ACCSL: variants seen among roughly 807,000 people sequenced by gnomAD.
ACCSL encodes the protein 1-aminocyclopropane-1-carboxylate synthase homolog (inactive) like.
In ACCSL, 55 loss-of-function variants were observed where a neutral mutation model predicts 61.7. That is an observed-to-expected ratio of 0.89 (90% CI 0.72 to 1.12). The LOEUF is 1.12. Ranked by LOEUF, ACCSL falls within the 50% of genes most tolerant of loss-of-function variation. The pLI, the probability that ACCSL is intolerant of heterozygous loss-of-function variation, is 0.00. For missense variants in ACCSL, 632 were observed against 698.0 expected, an observed-to-expected ratio of 0.91 and a Z score of 1.07; for synonymous variants, 258 against 264.3, an observed-to-expected ratio of 0.98 and a Z score of 0.23.
chr11:43,971,208 C>T, the ACCSL span, among the ~76,000 whole-genome samples: 2 of 150,018 alleles, frequency 1.3e-5, no homozygotes, highest in East Asian at 2.0e-4. Context: ...TGGCACATGC[C>T]TATAGTCCCA....
chr11:43,950,590 G>A, the ACCSL span, among the ~76,000 whole-genome samples: 1 of 152,332 alleles, frequency 6.6e-6, no homozygotes, highest in South Asian at 2.1e-4. Context: ...GTGGTCTTAA[G>A]ATAGTGGGTG....
chr11:43,989,690 C>CT, the ACCSL span, among the ~76,000 whole-genome samples: 1 of 152,338 alleles, frequency 6.6e-6, no homozygotes, highest in East Asian at 1.9e-4. Context: ...GGGCAGAGGA[C>CT]TTTCCACTTC....
the ACCSL span, among the ~76,000 whole-genome samples, chr11:43,967,849 T>G: frequency 6.6e-6 from 1 of 152,208 alleles, no homozygotes; most frequent in East Asian, 1.9e-4. Context: ...CTTTCTGAGA[T>G]CTGCTGCCAC....
chr11:44,048,499 G>A lies in ACCSL; in HGVS notation c.463G>A (p.Ala155Thr). The change falls in exon 1 of 14, where the codon GCC becomes ACC. Residue 155 changes from alanine to threonine, a missense_variant. By Grantham distance (58) the Ala-to-Thr change is moderately conservative (BLOSUM62 0). Transcript: ENST00000378832. ...TCAGTCGAGCTTCCAGGACTACAAT[G>A]CCTACCAAAAAGATAAATATCATAA... ...FYQSSFQDYN[A>T]YQKDKYHKDK... is the part of the protein sequence containing the mutation. The A allele has an allele frequency of 3.8e-6, 6 of 1,566,870 alleles. No individual in the cohort carries two copies. Among genetic ancestry groups the A allele is most frequent in the Non-Finnish European group, 5.2e-6 (6 of 1,156,030 alleles).
chr11:43,966,088 C>G, the ACCSL span, among the ~76,000 whole-genome samples: 1 of 119,602 alleles, frequency 8.4e-6, no homozygotes. Context: ...GCTCAAGCAA[C>G]TAAAGAAAAA....
At chr11:43,982,338 G>A in the ACCSL span, among the ~76,000 whole-genome samples, 3 of 146,460 alleles carry the variant, frequency 2.0e-5, no homozygotes, top group African/African-American at 5.0e-5. Context: ...AGCGATTCTC[G>A]TGCCTCAGCC....
the ACCSL span, among the ~76,000 whole-genome samples, chr11:43,970,101 G>A: frequency 1.0e-3 from 155 of 152,162 alleles, no homozygotes; most frequent in African/African-American, 3.7e-3. Context: ...GAATTGCTTG[G>A]GCCCAGGAGT....
chr11:44,051,188 G>T, intron 3 of ACCSL, 147 bp from the exon 4 acceptor site: 1 of 787,116 alleles, frequency 1.3e-6, no homozygotes, highest in Non-Finnish European at 2.2e-6. Context: ...TGTGTGACTT[G>T]GGGAGTTGAT....
At chr11:43,931,509 G>A in the ACCSL span, among the ~76,000 whole-genome samples, 4 of 152,294 alleles carry the variant, frequency 2.6e-5, no homozygotes, top group East Asian at 7.7e-4. Flanking sequence ...GTGCTGATGG[G>A]TGAAAAGAGC....
At chr11:44,014,529 G>GCCACT in the ACCSL span, among the ~76,000 whole-genome samples, 1 of 128,200 alleles carries the variant, frequency 7.8e-6, no homozygotes. Flanking sequence ...GAGAGAGAGA[G>GCCACT]GTGCCACTGT....
chr11:44,046,960 T>G (rs140451943), upstream of ACCSL, among the ~76,000 whole-genome samples: 15 of 152,172 alleles, frequency 9.9e-5, no homozygotes, highest in East Asian at 2.5e-3. Context: ...TTTGTTGCAG[T>G]AAGCCATAAT....
chr11:43,946,330 T>A, the ACCSL span, among the ~76,000 whole-genome samples: 2 of 152,164 alleles, frequency 1.3e-5, no homozygotes, highest in Non-Finnish European at 2.9e-5. Flanking sequence ...ACTCCTGACC[T>A]CAAGTGACCT....
At chr11:44,047,064 C>T (rs1220161623), upstream of ACCSL, among the ~76,000 whole-genome samples, 1 of 152,104 alleles carries the variant, frequency 6.6e-6, no homozygotes, top group Non-Finnish European at 1.5e-5. Context: ...TAAGTATAGT[C>T]CCAGGAACTT....
chr11:44,012,641 T>C, the ACCSL span, among the ~76,000 whole-genome samples: 1,388 of 152,316 alleles, frequency 9.1e-3, 26 homozygotes, highest in East Asian at 0.055. Flanking sequence ...TTTAAAGACA[T>C]ATACCCTTCA....
chr11:44,045,584 C>T (rs1458994616), upstream of ACCSL, among the ~76,000 whole-genome samples: 1 of 152,138 alleles, frequency 6.6e-6, no homozygotes, highest in East Asian at 1.9e-4. Flanking sequence ...AACAAGTTTC[C>T]TCCTCCATTT....
the ACCSL span, among the ~76,000 whole-genome samples, chr11:43,968,501 T>G: frequency 6.6e-6 from 1 of 152,176 alleles, no homozygotes; most frequent in Admixed American, 6.5e-5. Flanking sequence ...TCTGCTTACC[T>G]TTTTGCTTTT....
At chr11:43,954,199 G>A in the ACCSL span, among the ~76,000 whole-genome samples, 1 of 152,168 alleles carries the variant, frequency 6.6e-6, no homozygotes, top group Non-Finnish European at 1.5e-5. Context: ...AATGTGTTTT[G>A]TTATGGGATG....
chr11:43,954,315 C>T, the ACCSL span, among the ~76,000 whole-genome samples: 120 of 152,146 alleles, frequency 7.9e-4, no homozygotes, highest in African/African-American at 2.7e-3. Context: ...AGGTTGAGAG[C>T]GGAGGTTTAA....
chr11:44,053,359 G>T, intron 7 of ACCSL, 47 bp from the exon 8 acceptor site: 4 of 1,574,974 alleles, frequency 2.5e-6, no homozygotes, highest in Non-Finnish European at 3.5e-6. Context: ...ATTTAGGGTA[G>T]ATGCTAAGGA....
Sources: gnomAD v4.1 joint callset for allele counts (sites outside exome capture counted in the v4.1 genomes callset) on GRCh38, gnomAD v4.1.1 for gene constraint, MANE v1.5 for transcripts, NCBI Gene and HGNC (gene_info 2026-07-23, HGNC 2026-07-21) for gene names.